The following SLC35F1 variants were observed in gnomAD, a reference collection of about 807,000 sequenced individuals.
The protein encoded by SLC35F1 is chromosome 6 open reading frame 169.
Under a neutral mutation model 48.7 loss-of-function variants are expected in SLC35F1, and 14 were observed. The observed-to-expected ratio is 0.29, with a 90% CI of 0.19 to 0.45. The LOEUF (loss-of-function observed/expected upper bound fraction) is 0.45. Among genes scored for constraint, SLC35F1 ranks in the 20% least tolerant of loss-of-function variants. The pLI, the probability that SLC35F1 is intolerant of heterozygous loss-of-function variation, is 1.00. For missense variants in SLC35F1, 404 were observed against 500.0 expected, an observed-to-expected ratio of 0.81 and a Z score of 1.83; for synonymous variants, 190 against 202.2, an observed-to-expected ratio of 0.94 and a Z score of 0.51.
chr6:118,009,646 T>C (rs1204127858), intron 1 of SLC35F1, among the ~76,000 whole-genome samples: 1 of 152,180 alleles, frequency 6.6e-6, no homozygotes, highest in Non-Finnish European at 1.5e-5. Flanking sequence ...ATCTTTTGAC[T>C]ACAACTCTGT....
intron 1 of SLC35F1, among the ~76,000 whole-genome samples, chr6:118,049,345 A>G (rs1772350269): frequency 6.6e-6 from 1 of 152,176 alleles, no homozygotes; most frequent in Non-Finnish European, 1.5e-5. Flanking sequence ...AATGGCAACA[A>G]AAGCCAAAAT....
At chr6:118,287,577 A>T (rs1776066269) in intron 7 of SLC35F1, among the ~76,000 whole-genome samples, 1 of 152,162 alleles carries the variant, frequency 6.6e-6, no homozygotes, top group African/African-American at 2.4e-5. Context: ...CCACACCCCT[A>T]AGCCACAGAG....
intron 1 of SLC35F1, among the ~76,000 whole-genome samples, chr6:117,980,277 C>A (rs1256208235): frequency 6.6e-6 from 1 of 152,086 alleles, no homozygotes; most frequent in Non-Finnish European, 1.5e-5. Flanking sequence ...TCTGGGATTC[C>A]AGGATGCACA....
At chr6:117,930,414 A>G (rs1262114399) in intron 1 of SLC35F1, among the ~76,000 whole-genome samples, 1 of 152,164 alleles carries the variant, frequency 6.6e-6, no homozygotes, top group African/African-American at 2.4e-5. Context: ...ACAGCATTAT[A>G]GCTGAATTCA....
At chr6:118,112,739 G>T (rs572804036) in intron 1 of SLC35F1, among the ~76,000 whole-genome samples, 1 of 152,190 alleles carries the variant, frequency 6.6e-6, no homozygotes, top group South Asian at 2.1e-4. Flanking sequence ...TACTAAGAGA[G>T]GAGAGGAAAT....
chr6:118,096,649 C>T (rs1456339429), intron 1 of SLC35F1, among the ~76,000 whole-genome samples: 2 of 152,294 alleles, frequency 1.3e-5, no homozygotes, highest in African/African-American at 2.4e-5. Context: ...CTCTTGTTCT[C>T]TTCATGCTAG....
rs532773685 is a variant in SLC35F1 at position 117,980,222 on chromosome 6, G to A, written c.173+72323G>A. The stretch of plus-strand genomic sequence containing the variant: ...TCTACATAAGTAAACCTCCCACTGA[G>A]GTTTGGGTGATCAGATGGGCTAGAC... On this transcript the variant is annotated intron_variant, in intron 1 of 7. Coordinates refer to ENST00000360388, the MANE Select transcript of SLC35F1 (RefSeq NM_001029858.4). Among the ~76,000 whole-genome samples the A allele has an allele frequency of 2.6e-5, 4 of 152,248 alleles. No individual in the cohort carries two copies. The East Asian group carries it at 7.7e-4, about 29-fold the overall frequency.
chr6:117,955,530 T>G (rs1776417439), intron 1 of SLC35F1, among the ~76,000 whole-genome samples: 1 of 152,200 alleles, frequency 6.6e-6, no homozygotes, highest in African/African-American at 2.4e-5. Flanking sequence ...AGTTCTTCAT[T>G]GCTTCTTTGG....
rs543916590 is a variant in SLC35F1, at chr6:118,067,361, AAG to A, written c.174-87081_174-87080del. ...ATGGCTGGTGCTAGAGACGCAGATTAAGAGTCATCAAGGTTTAGGTTGAAACA... is the reference window on the plus strand; with the variant it reads ...ATGGCTGGTGCTAGAGACGCAGATTAAGTCATCAAGGTTTAGGTTGAAACA... On this transcript the variant is annotated intron_variant, in intron 1 of 7. Coordinates refer to ENST00000360388, the MANE Select transcript of SLC35F1 (RefSeq NM_001029858.4). Among the ~76,000 whole-genome samples, 18 of 152,302 alleles carry A rather than the reference AAG, an allele frequency of 1.2e-4. 1 individual carries two copies. The South Asian group carries it at 3.7e-3, about 32-fold the overall frequency.
chr6:117,995,326 G>A (rs1776970712), intron 1 of SLC35F1, among the ~76,000 whole-genome samples: 1 of 152,164 alleles, frequency 6.6e-6, no homozygotes, highest in Non-Finnish European at 1.5e-5. Flanking sequence ...ACCAATGAGA[G>A]CCTTCATGAA....
chr6:118,140,370 G>C (rs572346259), intron 1 of SLC35F1, among the ~76,000 whole-genome samples: 1 of 152,294 alleles, frequency 6.6e-6, no homozygotes. Flanking sequence ...ACCTAGAGAC[G>C]TTGTAGACTT....
At chr6:118,216,373 G>A (rs1562328291) in intron 2 of SLC35F1, among the ~76,000 whole-genome samples, 1 of 150,660 alleles carries the variant, frequency 6.6e-6, no homozygotes, top group Non-Finnish European at 1.5e-5. Context: ...AATCACTATA[G>A]TCTTTAGAAT....
chr6:117,916,503 C>A (rs141957009), intron 1 of SLC35F1, among the ~76,000 whole-genome samples: 580 of 152,134 alleles, frequency 3.8e-3, no homozygotes, highest in Non-Finnish European at 6.0e-3. Flanking sequence ...TAGTCATGAC[C>A]CTGAAAATCT....
At chr6:118,107,404 A>G (rs984791964) in intron 1 of SLC35F1, among the ~76,000 whole-genome samples, 1 of 152,200 alleles carries the variant, frequency 6.6e-6, no homozygotes, top group African/African-American at 2.4e-5. Context: ...ACTCAATATC[A>G]CCCTGAGTGA....
At chr6:118,054,359 G>T (rs1772433134) in intron 1 of SLC35F1, among the ~76,000 whole-genome samples, 2 of 152,230 alleles carry the variant, frequency 1.3e-5, no homozygotes, top group Non-Finnish European at 2.9e-5. Flanking sequence ...TGTGCGAATG[G>T]AAATAAAAAG....
At chr6:118,225,819 T>C (rs1775208328) in intron 2 of SLC35F1, among the ~76,000 whole-genome samples, 1 of 145,238 alleles carries the variant, frequency 6.9e-6, no homozygotes, top group Non-Finnish European at 1.5e-5. Flanking sequence ...GAGCTTGCAG[T>C]GAGCCGAGAT....
chr6:117,947,496 A>G (rs1419984260), intron 1 of SLC35F1, among the ~76,000 whole-genome samples: 2 of 152,218 alleles, frequency 1.3e-5, no homozygotes, highest in African/African-American at 4.8e-5. Context: ...GCTGCTGTAA[A>G]GAAGAGACAG....
At chr6:118,244,874 C>T (rs1045449357) in intron 3 of SLC35F1, among the ~76,000 whole-genome samples, 3 of 152,128 alleles carry the variant, frequency 2.0e-5, no homozygotes, top group African/African-American at 7.2e-5. Flanking sequence ...ATATATCAAA[C>T]GTTTGAAAAT....
chr6:117,979,035 A>G (rs898094762), intron 1 of SLC35F1, among the ~76,000 whole-genome samples: 1 of 152,178 alleles, frequency 6.6e-6, no homozygotes, highest in Non-Finnish European at 1.5e-5. Flanking sequence ...TGTTCCCCGC[A>G]TGCCTAGTGT....
Sources: allele counts gnomAD v4.1 joint callset (sites outside exome capture counted in the v4.1 genomes callset), GRCh38; gene constraint gnomAD v4.1.1; transcripts MANE v1.5; gene names NCBI Gene and HGNC (gene_info 2026-07-23, HGNC 2026-07-21).